ATRNL1: variants seen among roughly 807,000 people sequenced by gnomAD.
ATRNL1 encodes the protein attractin like 1, also known as attractin-like protein 1.
ATRNL1 carries 95 observed loss-of-function variants against 182.7 expected under a neutral mutation model. The observed-to-expected ratio is 0.52, with a 90% confidence interval of 0.44 to 0.62. The LOEUF (loss-of-function observed/expected upper bound fraction) is 0.62, where lower values mean the gene tolerates loss of function less well. Ranked by LOEUF, ATRNL1 falls within the 20% of genes least tolerant of loss-of-function variation. The pLI is 0.00. For missense variants in ATRNL1, 1,471 were observed against 1,679.5 expected (o/e 0.88, Z 2.17); for synonymous variants, 576 against 568.3 (o/e 1.01, Z -0.19).
intron 19 of ATRNL1, among the ~76,000 whole-genome samples, chr10:115,375,231 A>C (rs1857609851): frequency 6.6e-6 from 1 of 151,352 alleles, no homozygotes; most frequent in Non-Finnish European, 1.5e-5. Context: ...TTACCTAATG[A>C]CCTTCTTTTT....
intron 26 of ATRNL1, among the ~76,000 whole-genome samples, chr10:115,588,557 G>C (rs546785939): frequency 2.0e-5 from 3 of 152,172 alleles, no homozygotes; most frequent in Non-Finnish European, 4.4e-5. Context: ...CCTTTGGGAG[G>C]AACAACAAAA....
In ATRNL1 at chr10:115,171,303, T is replaced by G. The variant is rs375042043; in HGVS notation, c.1348+11T>G. 3.3e-5 allele frequency: 51 copies of G among 1,532,492 alleles called. No homozygotes were observed. Among genetic ancestry groups the G allele is most frequent in the Non-Finnish European group, 4.4e-5 (50 of 1,127,688 alleles). 94.9% of individuals were successfully genotyped at this position (1,532,492 alleles called of 1,614,324 possible). On this transcript the variant is annotated intron_variant, in intron 8 of 28. Coordinates refer to ENST00000355044, the MANE Select transcript of ATRNL1 (RefSeq NM_207303.4). Reference sequence around the variant, plus strand: ...AGGAATACCATATCTGTGAGTTACTTAAAAATTGTAATTTCTTTATTGATT... The same window carrying G: ...AGGAATACCATATCTGTGAGTTACTGAAAAATTGTAATTTCTTTATTGATT...
At position 115,392,109 on chromosome 10, in the gene ATRNL1, G is replaced by GTCCTTT. The variant is rs1554954496; in HGVS notation, c.3176-2550_3176-2549insTCCTTT. Among the ~76,000 whole-genome samples, 3 of 152,068 alleles carry GTCCTTT rather than the reference G, an allele frequency of 2.0e-5. No individual in the cohort carries two copies. The East Asian group carries it at 5.8e-4, about 29-fold the overall frequency. On this transcript the variant is annotated intron_variant, in intron 19 of 28. Coordinates refer to ENST00000355044, the MANE Select transcript of ATRNL1 (RefSeq NM_207303.4). ...CATTAGAAATCTAGTCCTTAAATTA[G>GTCCTTT]ATAGTTTAATTATCCCATTATATAA...
At chr10:115,650,972 A>G (rs532724381) in intron 26 of ATRNL1, among the ~76,000 whole-genome samples, 13 of 152,252 alleles carry the variant, frequency 8.5e-5, no homozygotes, top group Middle Eastern at 3.4e-3. Context: ...TAATTTGCCC[A>G]TTGTGGAATA....
At chr10:115,813,310 A>G (rs1421527387) in intron 27 of ATRNL1, among the ~76,000 whole-genome samples, 3 of 152,176 alleles carry the variant, frequency 2.0e-5, no homozygotes, top group Admixed American at 6.5e-5. Context: ...GTTATTATGT[A>G]TAGTCTGTCC....
intron 26 of ATRNL1, among the ~76,000 whole-genome samples, chr10:115,725,325 TAC>T (rs1947560660): frequency 6.6e-6 from 1 of 152,152 alleles, no homozygotes; most frequent in Non-Finnish European, 1.5e-5. Flanking sequence ...AATAATAGAT[TAC>T]AGTCCATGGA....
intron 27 of ATRNL1, among the ~76,000 whole-genome samples, chr10:115,839,547 T>G (rs1332656484): frequency 2.0e-5 from 3 of 152,180 alleles, no homozygotes; most frequent in Non-Finnish European, 4.4e-5. Flanking sequence ...CACCTCTGTG[T>G]GCATGCCCTT....
At chr10:115,645,512 A>G (rs75665844) in intron 26 of ATRNL1, among the ~76,000 whole-genome samples, 2 of 145,898 alleles carry the variant, frequency 1.4e-5, no homozygotes, top group Non-Finnish European at 3.0e-5. Context: ...ATATAAATAT[A>G]AAAAAATATA....
rs576586037 is a variant in ATRNL1 at position 115,177,180 on chromosome 10, A to G, written c.1348+5888A>G. On this transcript the variant is annotated intron_variant, in intron 8 of 28. Coordinates refer to ENST00000355044, the MANE Select transcript of ATRNL1 (RefSeq NM_207303.4). The stretch of plus-strand genomic sequence containing the variant: ...ACATTCTGCTGATGCCTCAAGTACA[A>G]TCATTACTAAGGATTGATCATTGAA... Among the ~76,000 whole-genome samples the G allele has an allele frequency of 5.9e-5, 9 of 152,284 alleles. No individual in the cohort carries two copies. The East Asian group carries it at 1.2e-3, about 20-fold the overall frequency.
At chr10:115,222,350 T>C (rs1376327416) in intron 9 of ATRNL1, among the ~76,000 whole-genome samples, 4 of 152,094 alleles carry the variant, frequency 2.6e-5, no homozygotes, top group African/African-American at 4.8e-5. Context: ...ACATGTGTAA[T>C]TGGAATCCTA....
intron 5 of ATRNL1, among the ~76,000 whole-genome samples, chr10:115,152,457 A>G (rs1846284708): frequency 6.6e-6 from 1 of 151,992 alleles, no homozygotes; most frequent in South Asian, 2.1e-4. Flanking sequence ...ATTCCTAGGT[A>G]TTTTATTCCC....
At chr10:115,261,586 G>C (rs1328754772) in intron 10 of ATRNL1, among the ~76,000 whole-genome samples, 1 of 152,166 alleles carries the variant, frequency 6.6e-6, no homozygotes, top group East Asian at 1.9e-4. Flanking sequence ...AAGGGTTGGG[G>C]GAGAAATAGC....
intron 24 of ATRNL1, among the ~76,000 whole-genome samples, chr10:115,480,820 C>T (rs1554974030): frequency 6.6e-6 from 1 of 150,996 alleles, no homozygotes; most frequent in Non-Finnish European, 1.5e-5. Flanking sequence ...AGTTCGTTGA[C>T]TTTTTATGCA....
chr10:115,290,753 C>T (rs1193855294), intron 15 of ATRNL1, among the ~76,000 whole-genome samples: 2 of 152,110 alleles, frequency 1.3e-5, no homozygotes, highest in African/African-American at 4.8e-5. Context: ...AGTGGGTCTT[C>T]TAGTTCTGTG....
At chr10:115,757,840 T>C (rs1408554448) in intron 27 of ATRNL1, among the ~76,000 whole-genome samples, 3 of 152,072 alleles carry the variant, frequency 2.0e-5, no homozygotes. Flanking sequence ...CCCATATTTC[T>C]TGGAGGCTTT....
intron 21 of ATRNL1, among the ~76,000 whole-genome samples, chr10:115,459,086 A>G (rs1386520525): frequency 1.3e-5 from 2 of 152,196 alleles, no homozygotes; most frequent in East Asian, 3.9e-4. Context: ...TCACTTCCCC[A>G]GTCAATACCC....
intron 26 of ATRNL1, among the ~76,000 whole-genome samples, chr10:115,568,458 G>C (rs1854197699): frequency 6.6e-6 from 1 of 151,892 alleles, no homozygotes; most frequent in African/African-American, 2.4e-5. Flanking sequence ...ACATCACTTT[G>C]GTAGTGATAT....
intron 5 of ATRNL1, among the ~76,000 whole-genome samples, chr10:115,147,107 T>G (rs1393225650): frequency 1.3e-5 from 2 of 152,134 alleles, no homozygotes; most frequent in Admixed American, 6.5e-5. Flanking sequence ...TATTAAGAGT[T>G]CCCTTTTCTG....
chr10:115,274,064 G>T (rs1315148210), intron 13 of ATRNL1, among the ~76,000 whole-genome samples: 1 of 152,194 alleles, frequency 6.6e-6, no homozygotes, highest in African/African-American at 2.4e-5. Flanking sequence ...GTTATCTGCA[G>T]AGGATGGTGA....
Sources: gnomAD v4.1 joint callset for allele counts (sites outside exome capture counted in the v4.1 genomes callset) on GRCh38, gnomAD v4.1.1 for gene constraint, MANE v1.5 for transcripts, NCBI Gene and HGNC (gene_info 2026-07-23, HGNC 2026-07-21) for gene names.